Variants in SOHLH2 observed in about 807,000 individuals in gnomAD.
SOHLH2 encodes the protein spermatogenesis- and oogenesis-specific basic helix-loop-helix-containing protein 2.
Under a neutral mutation model 50.4 loss-of-function variants are expected in SOHLH2, and 22 were observed. The observed-to-expected ratio is 0.44, with a 90% CI of 0.31 to 0.62. The LOEUF (loss-of-function observed/expected upper bound fraction) is 0.62, where lower values mean the gene tolerates loss of function less well. Ranked by LOEUF, SOHLH2 falls within the 20% of genes least tolerant of loss-of-function variation. The pLI is 0.08. For synonymous variants in SOHLH2, 185 were observed against 187.3 expected (o/e 0.99, Z 0.10); for missense variants, 412 against 504.4 (o/e 0.82, Z 1.76).
At chr13:36,196,123 GATA>G in intron 2 of SOHLH2, among the ~76,000 whole-genome samples, 1 of 128,312 alleles carries the variant, frequency 7.8e-6, no homozygotes, top group Non-Finnish European at 1.7e-5. Context: ...TAGATAGATA[GATA>G]ATTTTTTTTT....
At chr13:36,170,926 T>G in intron 9 of SOHLH2, 139 bp from the exon 10 acceptor site, 1 of 1,360,508 alleles carries the variant, frequency 7.4e-7, no homozygotes, top group Non-Finnish European at 9.8e-7. Flanking sequence ...CGAATGCTGA[T>G]GGAAAAACAA....
chr13:36,170,040 T>G (rs1410181842), intron 10 of SOHLH2, among the ~76,000 whole-genome samples: 1 of 152,208 alleles, frequency 6.6e-6, no homozygotes, highest in Non-Finnish European at 1.5e-5. Flanking sequence ...CAGAACATAA[T>G]GGGTGCTCAG....
chr13:36,191,539 T>C (rs935991981), intron 5 of SOHLH2, among the ~76,000 whole-genome samples: 2 of 152,340 alleles, frequency 1.3e-5, no homozygotes, highest in East Asian at 3.9e-4. Flanking sequence ...AGTGATAACA[T>C]AGACTCTAAT....
At chr13:36,193,748 T>C (rs777694006) in intron 3 of SOHLH2, 23 bp from the exon 4 acceptor site, 8 of 1,606,752 alleles carry the variant, frequency 5.0e-6, no homozygotes, top group East Asian at 2.2e-5. Flanking sequence ...ATATTAAATA[T>C]TGACCTTATA....
At chr13:36,182,994 T>G (rs1337975143) in intron 6 of SOHLH2, 1 of 165,894 alleles carries the variant, frequency 6.0e-6, no homozygotes, top group African/African-American at 2.4e-5. Flanking sequence ...GGGCTTAGCT[T>G]AGCGCCATCC....
intron 1 of SOHLH2, among the ~76,000 whole-genome samples, chr13:36,212,751 C>A (rs1263594338): frequency 1.3e-5 from 2 of 152,176 alleles, no homozygotes; most frequent in Non-Finnish European, 2.9e-5. Flanking sequence ...TCAGGGTAAG[C>A]CCTATTAACA....
chr13:36,191,756 TA>T, intron 5 of SOHLH2, 38 bp downstream of exon 5: 1 of 1,611,262 alleles, frequency 6.2e-7, no homozygotes, highest in South Asian at 1.1e-5. Context: ...ATAAGTTCTC[TA>T]AAAATATTGC....
At chr13:36,213,517 T>C (rs1869242398) in intron 1 of SOHLH2, among the ~76,000 whole-genome samples, 1 of 152,160 alleles carries the variant, frequency 6.6e-6, no homozygotes, top group Non-Finnish European at 1.5e-5. Flanking sequence ...AATACTAAGA[T>C]GAAAGCCCCC....
intron 2 of SOHLH2, among the ~76,000 whole-genome samples, chr13:36,194,576 A>T (rs974410837): frequency 6.6e-6 from 1 of 151,638 alleles, no homozygotes; most frequent in African/African-American, 2.4e-5. Flanking sequence ...GTATTATTAT[A>T]CTCTCTCCCC....
intron 6 of SOHLH2, among the ~76,000 whole-genome samples, chr13:36,176,365 A>C (rs1286017622): frequency 1.3e-5 from 2 of 152,148 alleles, no homozygotes; most frequent in Non-Finnish European, 2.9e-5. Context: ...ACATTAGAAA[A>C]ATGTTCGAAC....
intron 6 of SOHLH2, among the ~76,000 whole-genome samples, chr13:36,176,870 C>T (rs1432602149): frequency 1.3e-5 from 2 of 152,030 alleles, no homozygotes; most frequent in Non-Finnish European, 2.9e-5. Context: ...CATTACACTC[C>T]TAAATGTATC....
chr13:36,173,796 A>T lies in SOHLH2; in HGVS notation c.896T>A (p.Met299Lys), dbSNP rs909952467. The T allele has an allele frequency of 1.9e-6, 3 of 1,614,022 alleles. No individual in the cohort carries two copies. Among genetic ancestry groups the T allele is most frequent in the Non-Finnish European group, 2.5e-6 (3 of 1,179,972 alleles). Residue 299 changes from methionine to lysine, a missense_variant, in exon 9 of 11, where the codon ATG becomes AAG. Coordinates refer to ENST00000379881, the MANE Select transcript of SOHLH2 (RefSeq NM_017826.3). ...CCCTCTCTCAGGGGAGTAAGTGCTC[A>T]TCACACTGTTTTCCCTTGAAAGGAC... The part of the protein sequence containing the change: ...TVMAQRENSV[M>K]STYSPERGLQ...
chr13:36,193,635 C>T lies in SOHLH2; in HGVS notation c.416G>A (p.Cys139Tyr), dbSNP rs747008790. ...TTTTTACTCACCAGTGTTTGAGGGA[C>T]ATGTTGTCCAGTATTTTACCACATT... ...MSNVVKYWTT[C>Y]PSNTVKTENA... Residue 139 changes from cysteine (C) to tyrosine (Y), a missense_variant, in exon 4 of 11, where the codon TGT (cysteine) becomes TAT (tyrosine). Transcript: ENST00000379881. The T allele has an allele frequency of 9.4e-6, 15 of 1,604,110 alleles. No individual in the cohort carries two copies. The highest frequency in any genetic ancestry group is 1.3e-5 in the Non-Finnish European group (15 of 1,177,652).
At chr13:36,204,478 A>G (rs1347448097) in intron 1 of SOHLH2, among the ~76,000 whole-genome samples, 1 of 152,126 alleles carries the variant, frequency 6.6e-6, no homozygotes, top group Non-Finnish European at 1.5e-5. Flanking sequence ...TGAGGTAGGT[A>G]TCTGCTTTCA....
In SOHLH2 at chr13:36,193,609, T is replaced by C. The variant is rs1255191173; in HGVS notation, c.430+12A>G. 6.3e-7 allele frequency: 1 copy of C among 1,581,402 alleles called. No individual in the cohort carries two copies. The highest frequency in any genetic ancestry group is 1.4e-5 in the African/African-American group (1 of 72,544). ...ATTCAAATTTTGAAACCTTTGGAAA[T>C]TTTTTACTCACCAGTGTTTGAGGGA... On this transcript the variant is annotated intron_variant, in intron 4 of 10. Coordinates refer to ENST00000379881, the MANE Select transcript of SOHLH2 (RefSeq NM_017826.3).
Position 36,201,935 on chromosome 13 carries a change from G to A in SOHLH2, c.207C>T (p.Leu69=). The A allele has an allele frequency of 6.2e-7, 1 of 1,614,194 alleles. No individual in the cohort carries two copies. Among genetic ancestry groups the A allele is most frequent in the South Asian group, 1.1e-5 (1 of 91,082 alleles). The change falls in exon 2 of 11, where the codon CTC becomes CTT. Residue 69 remains leucine, a synonymous_variant. Coordinates refer to ENST00000379881, the MANE Select transcript of SOHLH2 (RefSeq NM_017826.3). ...CACTTAGTGAAGAAGGCACCTTCAA[G>A]AGAACCATGTTGAATATGCAATCAT... ...LLDDCIFNMV[L]LKVPSSLSAE...
chr13:36,201,945 T>C lies in SOHLH2; in HGVS notation c.197A>G (p.Asn66Ser), dbSNP rs756124385. ...AAALLDDCIF[N>S]MVLLKVPSSL... ...AGAAGGCACCTTCAAGAGAACCATG[T>C]TGAATATGCAATCATCCAAAAGCGC... The change falls in exon 2 of 11, where the codon AAC becomes AGC. Residue 66 changes from asparagine (N) to serine (S), a missense_variant. Asn to Ser is a conservative substitution (Grantham distance 46). Coordinates refer to ENST00000379881, the MANE Select transcript of SOHLH2 (RefSeq NM_017826.3). The C allele has an allele frequency of 6.2e-7, 1 of 1,614,240 alleles. No individual in the cohort carries two copies. The highest frequency in any genetic ancestry group is 2.2e-5 in the East Asian group (1 of 44,882).
intron 1 of SOHLH2, among the ~76,000 whole-genome samples, chr13:36,209,519 G>A (rs1868982900): frequency 6.6e-6 from 1 of 152,084 alleles, no homozygotes; most frequent in Non-Finnish European, 1.5e-5. Flanking sequence ...CAATTTATTT[G>A]TGTTCTCACA....
At chr13:36,195,971 C>A (rs1158521724) in intron 2 of SOHLH2, among the ~76,000 whole-genome samples, 2 of 151,996 alleles carry the variant, frequency 1.3e-5, no homozygotes, top group African/African-American at 2.4e-5. Context: ...GTAAGAAAGG[C>A]ACTTCCTACA....
Sources: allele counts gnomAD v4.1 joint callset (sites outside exome capture counted in the v4.1 genomes callset), GRCh38; gene constraint gnomAD v4.1.1; transcripts MANE v1.5; gene names NCBI Gene and HGNC (gene_info 2026-07-23, HGNC 2026-07-21).